GRTP1: variants seen among roughly 807,000 people sequenced by gnomAD.
GRTP1 encodes the protein growth hormone regulated TBC protein 1.
Under a neutral mutation model 38.1 loss-of-function variants are expected in GRTP1, and 56 were observed. The observed-to-expected ratio is 1.47, with a 90% CI of 1.19 to 1.84. The LOEUF (loss-of-function observed/expected upper bound fraction) is 1.84, where lower values mean the gene tolerates loss of function less well. Ranked by LOEUF, GRTP1 falls within the 40% of genes most tolerant of loss-of-function variation. The pLI is 0.00. For synonymous variants in GRTP1, 217 were observed against 189.5 expected (o/e 1.14, Z -1.19); for missense variants, 506 against 453.9 (o/e 1.11, Z -1.04).
Position 113,325,707 on chromosome 13 carries a change from T to C in GRTP1, c.875A>G (p.Gln292Arg), listed in dbSNP as rs1302020881. 1.9e-6 allele frequency: 3 copies of C among 1,614,136 alleles called. No individual in the cohort carries two copies. Among genetic ancestry groups the C allele is most frequent in the African/African-American group, 2.7e-5 (2 of 74,956 alleles). Residue 292 changes from glutamine to arginine, a missense_variant, in exon 7 of 8, where the codon CAG (glutamine) becomes CGG (arginine). Coordinates refer to ENST00000375431, the MANE Select transcript of GRTP1 (RefSeq NM_024719.4). ...CATCACGAAACTCCCTTTGGTTATC[T>C]GCTTAAACTTATCGCAAATGTCTGG... Reference protein sequence around the residue: ...SVPDICDKFKQITKGSFVMEC... With the variant: ...SVPDICDKFKRITKGSFVMEC...
intron 2 of GRTP1, among the ~76,000 whole-genome samples, chr13:113,362,315 G>A (rs2043513532): frequency 6.6e-6 from 1 of 152,154 alleles, no homozygotes; most frequent in South Asian, 2.1e-4. Context: ...GGGCGACAGA[G>A]TGAGACTCTG....
At chr13:113,347,484 G>GTGGCTGAGAGCAGACCCA (rs2043174356) in intron 4 of GRTP1, among the ~76,000 whole-genome samples, 1 of 39,812 alleles carries the variant, frequency 2.5e-5, no homozygotes, top group Non-Finnish European at 6.2e-5. Context: ...GAGCAGACCT[G>GTGGCTGAGAGCAGACCCA]GGAGGACCTC....
intron 4 of GRTP1, among the ~76,000 whole-genome samples, chr13:113,345,543 C>A (rs189503282): frequency 2.0e-5 from 3 of 152,210 alleles, no homozygotes; most frequent in Admixed American, 6.5e-5. Flanking sequence ...CAGGTGACTG[C>A]GTTTTACACG....
Position 113,363,681 on chromosome 13 carries a change from C to T in GRTP1, c.181+81G>A, listed in dbSNP as rs1436258617. 31 of 1,426,896 alleles carry T rather than the reference C, an allele frequency of 2.2e-5. No homozygotes were observed. The African/African-American group carries it at 4.2e-4, about 19-fold the overall frequency. The allele number at this position is 1,426,896 out of a possible 1,614,324, so 88.4% of individuals were successfully genotyped here. On this transcript the variant is annotated intron_variant, in intron 2 of 7. Transcript: ENST00000375431. ...AAAGGTTCCTCCCCCTCCCTCCGCT[C>T]CGGGAGCCCGGACTTTGCCCGGCCC...
At position 113,326,243 on chromosome 13, in the gene GRTP1, G is replaced by C. The variant is rs75978881; in HGVS notation, c.563-152C>G. On this transcript the variant is annotated intron_variant, in intron 5 of 7. Coordinates refer to ENST00000375431, the MANE Select transcript of GRTP1 (RefSeq NM_024719.4). Reference sequence around the variant, plus strand: ...AGTTGGAGAGGAAGAGTCGGGGTGAGGCCTGCAGACACAGGGCTCATGGGG... The same window carrying C: ...AGTTGGAGAGGAAGAGTCGGGGTGACGCCTGCAGACACAGGGCTCATGGGG... 3.2e-4 allele frequency: 289 copies of C among 911,844 alleles called. 2 individuals carry two copies. In the East Asian group the frequency reaches 7.6e-3, roughly 24 times the overall value. The allele number at this position is 911,844 out of a possible 1,614,324, so 56.5% of individuals were successfully genotyped here.
chr13:113,324,381 C>G lies in GRTP1; in HGVS notation c.*107G>C. 2 of 1,379,212 alleles carry G rather than the reference C, an allele frequency of 1.5e-6. No homozygotes were observed. Among genetic ancestry groups the G allele is most frequent in the Non-Finnish European group, 1.9e-6 (2 of 1,060,194 alleles). 85.4% of individuals were successfully genotyped at this position (1,379,212 alleles called of 1,614,324 possible). A position where few individuals can be genotyped will look rare whatever the true frequency, so the allele number is the denominator to read the frequency against. ...ATTCACAACTAAAGTGTAGTGATGT[C>G]AAGTATTTACAACACTAAAAAGGAA... is the stretch of plus-strand genomic sequence containing the variant. On this transcript the variant is annotated 3_prime_UTR_variant, in exon 8 of 8. Transcript: ENST00000375431.
At chr13:113,336,863 C>T (rs879504735) in intron 5 of GRTP1, among the ~76,000 whole-genome samples, 5 of 152,170 alleles carry the variant, frequency 3.3e-5, no homozygotes, top group Non-Finnish European at 7.3e-5. Context: ...GAAAACCCAC[C>T]GCACTTCCCA....
chr13:113,325,131 A>G (rs1595468284), intron 7 of GRTP1: 2 of 1,022,068 alleles, frequency 2.0e-6, no homozygotes, highest in Non-Finnish European at 2.3e-6. Flanking sequence ...CGCCCGGCCA[A>G]CATGGTCTTC....
chr13:113,350,907 G>A lies in GRTP1; in HGVS notation c.407C>T (p.Thr136Ile). The A allele has an allele frequency of 1.9e-6, 3 of 1,612,490 alleles. No individual in the cohort carries two copies. The highest frequency in any genetic ancestry group is 2.5e-6 in the Non-Finnish European group (3 of 1,178,762). ...ATATGCCAGCAGCACATTGTACAGG[G>A]TCCTCTGTAAGCAGGGGTCCGTGGT... ...RKTTDPCLQRTLYNVLLAYGH... is the reference protein window; with the variant it reads ...RKTTDPCLQRILYNVLLAYGH... The change falls in exon 4 of 8, where the codon ACC becomes ATC. Residue 136 changes from threonine to isoleucine, a missense_variant. By Grantham distance (89) the Thr-to-Ile change is moderately conservative. Coordinates refer to ENST00000375431, the MANE Select transcript of GRTP1 (RefSeq NM_024719.4).
chr13:113,344,294 A>G (rs1394826766), intron 5 of GRTP1, among the ~76,000 whole-genome samples: 1 of 152,230 alleles, frequency 6.6e-6, no homozygotes, highest in Non-Finnish European at 1.5e-5. Context: ...CCAGCTGCCC[A>G]CAAGGGCTAA....
chr13:113,363,896 C>A lies in GRTP1; in HGVS notation c.47G>T (p.Gly16Val), dbSNP rs370454368. 2.5e-6 allele frequency: 4 copies of A among 1,611,494 alleles called. No individual in the cohort carries two copies. The highest frequency in any genetic ancestry group is 3.4e-6 in the Non-Finnish European group (4 of 1,179,392). The change falls in exon 2 of 8, where the codon GGA (glycine) becomes GTA (valine). Residue 16 changes from glycine to valine, a missense_variant. Transcript: ENST00000375431. ...RSRVPRIDPYGFERPEDFDDA... is the reference protein window; with the variant it reads ...RSRVPRIDPYVFERPEDFDDA... The stretch of plus-strand genomic sequence containing the variant: ...GTCGAAGTCCTCAGGCCGCTCGAAT[C>A]CGTACGGGTCGATCCTGCAAAACCG...
intron 2 of GRTP1, among the ~76,000 whole-genome samples, chr13:113,360,578 A>G (rs1209917783): frequency 6.6e-6 from 1 of 152,274 alleles, no homozygotes; most frequent in African/African-American, 2.4e-5. Context: ...GCCAGTGCTC[A>G]TGGGCACCCT....
chr13:113,332,352 G>C (rs1187844861), intron 5 of GRTP1, among the ~76,000 whole-genome samples: 1 of 127,062 alleles, frequency 7.9e-6, no homozygotes, highest in African/African-American at 3.2e-5. Flanking sequence ...GCCACACACA[G>C]GTACACACGT....
intron 2 of GRTP1, among the ~76,000 whole-genome samples, chr13:113,359,045 T>TG (rs749767903): frequency 1.3e-5 from 2 of 152,190 alleles, no homozygotes; most frequent in Non-Finnish European, 2.9e-5. Flanking sequence ...CATCCGTAAA[T>TG]GAAGTACCTC....
At chr13:113,347,149 C>T (rs1407638759) in intron 4 of GRTP1, among the ~76,000 whole-genome samples, 2 of 35,042 alleles carry the variant, frequency 5.7e-5, no homozygotes, top group South Asian at 1.1e-3. Context: ...TGGCAGAGAG[C>T]AGACCCGGGA....
At chr13:113,336,418 AG>A (rs1359096956) in intron 5 of GRTP1, among the ~76,000 whole-genome samples, 2 of 151,930 alleles carry the variant, frequency 1.3e-5, no homozygotes, top group East Asian at 3.9e-4. Flanking sequence ...CTCCTCTGAA[AG>A]CAAAGTGCCC....
At chr13:113,327,967 G>A (rs188360238) in intron 5 of GRTP1, among the ~76,000 whole-genome samples, 15 of 152,312 alleles carry the variant, frequency 9.8e-5, no homozygotes, top group African/African-American at 3.6e-4. Flanking sequence ...AACTCCACCA[G>A]GCTGAGCCGG....
At position 113,324,533 on chromosome 13, in the gene GRTP1, G is replaced by C. The variant is rs373022293; in HGVS notation, c.966C>G (p.Ala322=). ...GGGCCCTGCAGCTCTCGCGGAGCTT[G>C]GCGACGGTGGCCATGGATAAGCTTC... ...EPGSLSMATV[A]KLRESCRARL... is the part of the protein sequence containing the mutation. Residue 322 remains alanine, a synonymous_variant, in exon 8 of 8, where the codon GCC becomes GCG. Coordinates refer to ENST00000375431, the MANE Select transcript of GRTP1 (RefSeq NM_024719.4). 328 of 1,611,954 alleles carry C rather than the reference G, an allele frequency of 2.0e-4. No individual in the cohort carries two copies. The highest frequency in any genetic ancestry group is 1.7e-3 in the Admixed American group (99 of 59,808).
rs60508083 is a variant in GRTP1, at chr13:113,342,499, A to C, written c.562+2364T>G. ...CAGCCTGGGCGACAGAGCGAGACTCAGTCTCAAAAAAAAAAAAGTACTGTA... is the reference window on the plus strand; with the variant it reads ...CAGCCTGGGCGACAGAGCGAGACTCCGTCTCAAAAAAAAAAAAGTACTGTA... On this transcript the variant is annotated intron_variant, in intron 5 of 7. Transcript: ENST00000375431. This position sits in a 1 kb window ranked among gnomAD's most constrained non-coding sequence, Gnocchi z 4.5. Among the ~76,000 whole-genome samples the C allele has an allele frequency of 9.7e-4, 148 of 151,804 alleles. 1 individual carries two copies. Among genetic ancestry groups the C allele is most frequent in the African/African-American group, 3.5e-3 (143 of 41,354 alleles).
Sources: allele counts gnomAD v4.1 joint callset (sites outside exome capture counted in the v4.1 genomes callset), GRCh38; gene constraint gnomAD v4.1.1; non-coding constraint Gnocchi (gnomAD v3.1); transcripts MANE v1.5; gene names NCBI Gene and HGNC (gene_info 2026-07-23, HGNC 2026-07-21).